Variants in MMP26 observed in about 807,000 individuals in gnomAD.
The protein encoded by MMP26 is matrix metalloproteinase-26.
A neutral mutation model predicts 31.0 loss-of-function variants in MMP26; 33 were observed. That is an observed-to-expected ratio of 1.06 (90% CI 0.81 to 1.42). The LOEUF (loss-of-function observed/expected upper bound fraction) is 1.42, where lower values mean the gene tolerates loss of function less well. MMP26 is among the 40% of genes most tolerant of loss of function. MMP26 has a pLI of 0.00. For missense variants in MMP26, 347 were observed against 316.1 expected (o/e 1.10, Z -0.74); for synonymous variants, 122 against 114.9 (o/e 1.06, Z -0.40).
intron 2 of MMP26, among the ~76,000 whole-genome samples, chr11:4,983,610 A>G (rs1191950893): frequency 2.6e-5 from 4 of 152,252 alleles, no homozygotes; most frequent in Non-Finnish European, 4.4e-5. Context: ...TACTATAGCC[A>G]TAATGAGAAA....
intron 2 of MMP26, chr11:4,787,123 C>G (rs144755248): frequency 6.5e-6 from 1 of 153,514 alleles, no homozygotes; most frequent in Non-Finnish European, 1.5e-5. Flanking sequence ...GGCTTTTGAC[C>G]GCTTTGTTGC....
At chr11:4,913,517 A>G (rs1308946599) in intron 2 of MMP26, 1 of 152,178 alleles carries the variant, frequency 6.6e-6, no homozygotes, top group Non-Finnish European at 1.5e-5. Flanking sequence ...TGCAAATACT[A>G]TATTGACATG....
At chr11:4,853,624 T>A (rs1850005448) in intron 2 of MMP26, among the ~76,000 whole-genome samples, 1 of 152,080 alleles carries the variant, frequency 6.6e-6, no homozygotes, top group Non-Finnish European at 1.5e-5. Context: ...AACAGACCTA[T>A]AACAAATAAA....
chr11:4,814,287 G>C (rs180747395), intron 2 of MMP26, among the ~76,000 whole-genome samples: 3 of 152,064 alleles, frequency 2.0e-5, no homozygotes, highest in Non-Finnish European at 2.9e-5. Context: ...CACCAAAAAC[G>C]TCTAAAGATG....
At chr11:4,860,568 G>C (rs918329997) in intron 2 of MMP26, 14 of 456,744 alleles carry the variant, frequency 3.1e-5, no homozygotes, top group African/African-American at 2.8e-4. Context: ...TCGTCATGTT[G>C]TTCTCACCAT....
At chr11:4,898,578 T>C (rs1227311140) in intron 2 of MMP26, among the ~76,000 whole-genome samples, 1 of 152,180 alleles carries the variant, frequency 6.6e-6, no homozygotes, top group Non-Finnish European at 1.5e-5. Flanking sequence ...TTAATATCTT[T>C]CCACGTTCTA....
chr11:4,848,400 T>G (rs1337973942), intron 2 of MMP26: 1 of 1,613,770 alleles, frequency 6.2e-7, no homozygotes, highest in Non-Finnish European at 8.5e-7. Flanking sequence ...CAGCTCAGGA[T>G]GGTTAATCAG....
At chr11:4,822,303 CA>C (rs781723490) in intron 2 of MMP26, 1 of 1,531,544 alleles carries the variant, frequency 6.5e-7, no homozygotes, top group South Asian at 1.3e-5. Context: ...CTATTATTTA[CA>C]GTGTAAAGAT....
At chr11:4,922,938 A>G (rs953255785) in intron 2 of MMP26, among the ~76,000 whole-genome samples, 1 of 152,312 alleles carries the variant, frequency 6.6e-6, no homozygotes, top group South Asian at 2.1e-4. Flanking sequence ...AAAATCTGTA[A>G]TTATGATAAA....
chr11:4,908,882 T>C (rs1850948535), intron 2 of MMP26: 1 of 158,282 alleles, frequency 6.3e-6, no homozygotes, highest in Admixed American at 6.1e-5. Context: ...AGCGTGCCTG[T>C]AAACATGGAT....
rs1321480527 is a variant in MMP26, at chr11:4,949,993, C to A, written c.-144-38075C>A. Among the ~76,000 whole-genome samples the A allele has an allele frequency of 6.5e-5, 8 of 122,852 alleles. 1 individual carries two copies. The highest frequency in any genetic ancestry group is 2.2e-4 in the African/African-American group (8 of 36,554). The allele number at this position is 122,852 out of a possible 152,430, so 80.6% of individuals were successfully genotyped here. A position where few individuals can be genotyped will look rare whatever the true frequency, so the allele number is the denominator to read the frequency against. ...TCTTTATGGTAAGGCATTAGAATCACCCAGGGAGCTCTCAAAAGTTGTGAT... is the reference window on the plus strand; with the variant it reads ...TCTTTATGGTAAGGCATTAGAATCAACCAGGGAGCTCTCAAAAGTTGTGAT... On this transcript the variant is annotated intron_variant, in intron 2 of 7. Transcript: ENST00000380390.
At chr11:4,772,569 C>T (rs1439519321) in intron 2 of MMP26, among the ~76,000 whole-genome samples, 2 of 152,162 alleles carry the variant, frequency 1.3e-5, no homozygotes, top group African/African-American at 4.8e-5. Context: ...TTGCTAGTAG[C>T]TAGGGTTACC....
chr11:4,806,239 C>A (rs1008288430), intron 2 of MMP26, among the ~76,000 whole-genome samples: 2 of 151,220 alleles, frequency 1.3e-5, no homozygotes, highest in Non-Finnish European at 2.9e-5. Flanking sequence ...CTGTTAGGTC[C>A]GCTTGGTGCA....
intron 1 of MMP26, among the ~76,000 whole-genome samples, chr11:4,733,505 T>A (rs1848199912): frequency 6.6e-6 from 1 of 152,092 alleles, no homozygotes; most frequent in Non-Finnish European, 1.5e-5. Flanking sequence ...ATACAATTGC[T>A]TTTTTTATTT....
At chr11:4,878,300 A>G (rs1465085564) in intron 2 of MMP26, among the ~76,000 whole-genome samples, 1 of 152,184 alleles carries the variant, frequency 6.6e-6, no homozygotes, top group Non-Finnish European at 1.5e-5. Context: ...TGCTTAGTCC[A>G]TTAGAATCAC....
chr11:4,812,432 A>G lies in MMP26; in HGVS notation c.-145+45091A>G, dbSNP rs576203932. 1.2e-4 allele frequency among the ~76,000 whole-genome samples: 18 copies of G among 152,308 alleles called. 1 individual carries two copies. In the South Asian group the frequency reaches 3.5e-3, roughly 30 times the overall value. On this transcript the variant is annotated intron_variant, in intron 2 of 7. Coordinates refer to ENST00000380390, the MANE Select transcript of MMP26 (RefSeq NM_021801.5). ...GAGGTGACATGCCTAGGGAAGACAG[A>G]CAGCCACAGTAGAACGCGTGGCCTG...
chr11:4,855,051 A>G (rs1248264684), intron 2 of MMP26, among the ~76,000 whole-genome samples: 1 of 152,096 alleles, frequency 6.6e-6, no homozygotes, highest in East Asian at 1.9e-4. Flanking sequence ...CCACACCAAA[A>G]CCCCATCTCT....
intron 1 of MMP26, chr11:4,710,239 T>G: frequency 2.2e-6 from 1 of 456,754 alleles, no homozygotes; most frequent in Non-Finnish European, 4.4e-6. Flanking sequence ...GTTCTGATCG[T>G]CCGCTCTGTG....
At chr11:4,986,932 C>CTCTCCCTCCCT (rs1564819722) in intron 2 of MMP26, among the ~76,000 whole-genome samples, 1 of 60,408 alleles carries the variant, frequency 1.7e-5, no homozygotes, top group Non-Finnish European at 3.1e-5. Context: ...TCTCTCTCTC[C>CTCTCCCTCCCT]CTCTCTCTCT....
Sources: allele counts gnomAD v4.1 joint callset (sites outside exome capture counted in the v4.1 genomes callset), GRCh38; gene constraint gnomAD v4.1.1; transcripts MANE v1.5; gene names NCBI Gene and HGNC (gene_info 2026-07-23, HGNC 2026-07-21).